Variants in DNAJC6 observed in about 807,000 individuals in gnomAD.
DNAJC6 encodes DnaJ heat shock protein family (Hsp40) member C6, also known as auxilin.
In DNAJC6, 34 loss-of-function variants were observed where a neutral mutation model predicts 110.0. The ratio of observed to expected loss-of-function variants is 0.31; its 90% confidence interval spans 0.24 to 0.41. The LOEUF (loss-of-function observed/expected upper bound fraction) is 0.41. Ranked by LOEUF, DNAJC6 falls within the 10% of genes least tolerant of loss-of-function variation. The pLI is 1.00. For synonymous variants in DNAJC6, 406 were observed against 437.2 expected, an observed-to-expected ratio of 0.93 and a Z score of 0.89; for missense variants, 1,031 against 1,207.8, an observed-to-expected ratio of 0.85 and a Z score of 2.17.
At chr1:65,318,111 G>A (rs908898222) in intron 1 of DNAJC6, among the ~76,000 whole-genome samples, 9 of 152,132 alleles carry the variant, frequency 5.9e-5, no homozygotes, top group African/African-American at 2.2e-4. Flanking sequence ...TCTGCAGGCA[G>A]TGGGAGGCCA....
intron 1 of DNAJC6, among the ~76,000 whole-genome samples, chr1:65,284,819 G>C (rs1416252659): frequency 6.6e-6 from 1 of 151,890 alleles, no homozygotes; most frequent in African/African-American, 2.4e-5. Context: ...CTCCCAAGTA[G>C]CTGGAATTAC....
intron 4 of DNAJC6, among the ~76,000 whole-genome samples, chr1:65,372,375 TCA>T (rs1454798104): frequency 6.6e-6 from 1 of 152,102 alleles, no homozygotes; most frequent in Non-Finnish European, 1.5e-5. Flanking sequence ...CTTTATTCTT[TCA>T]CTCATTCATT....
intron 1 of DNAJC6, among the ~76,000 whole-genome samples, chr1:65,348,094 C>T (rs1200205823): frequency 6.6e-6 from 1 of 152,160 alleles, no homozygotes; most frequent in Non-Finnish European, 1.5e-5. Context: ...GCAGTTAGAG[C>T]AATATTTGTT....
chr1:65,362,989 C>T (rs1645612437), intron 1 of DNAJC6, among the ~76,000 whole-genome samples: 1 of 152,174 alleles, frequency 6.6e-6, no homozygotes, highest in Non-Finnish European at 1.5e-5. Context: ...TTCACAGTTC[C>T]ACATGGCTGT....
rs9436712 is a variant in DNAJC6 at position 65,338,423 on chromosome 1, A to G, written c.194-26212A>G. 2.1e-3 allele frequency among the ~76,000 whole-genome samples: 320 copies of G among 152,268 alleles called. 1 individual carries two copies. The highest frequency in any genetic ancestry group is 7.4e-3 in the African/African-American group (309 of 41,558). ...CTTTAAGACAGTTACTTTGTATCTT[A>G]AAGTTACTTGAGGTAGTTTCTCTCT... On this transcript the variant is annotated intron_variant, in intron 1 of 18. Transcript: ENST00000371069.
chr1:65,375,085 TC>T (rs763711635), intron 4 of DNAJC6, among the ~76,000 whole-genome samples: 2 of 151,704 alleles, frequency 1.3e-5, no homozygotes, highest in African/African-American at 2.4e-5. Flanking sequence ...TGCCTCAGCC[TC>T]CCAAGTAGCT....
At chr1:65,373,062 A>G (rs1032519100) in intron 4 of DNAJC6, among the ~76,000 whole-genome samples, 10 of 152,120 alleles carry the variant, frequency 6.6e-5, no homozygotes, top group Non-Finnish European at 1.2e-4. Flanking sequence ...AACATGCAAT[A>G]TTTATCTTTC....
At chr1:65,338,664 GT>G in intron 1 of DNAJC6, among the ~76,000 whole-genome samples, 1 of 152,240 alleles carries the variant, frequency 6.6e-6, no homozygotes, top group African/African-American at 2.4e-5. Context: ...TCTCTTTCAA[GT>G]TTTGGGTTTA....
At chr1:65,411,509 T>C in intron 18 of DNAJC6, 83 bp downstream of exon 18, 2 of 1,297,486 alleles carry the variant, frequency 1.5e-6, no homozygotes, top group Non-Finnish European at 2.1e-6. Flanking sequence ...TTAAATGTGC[T>C]GGTTCATATG....
At chr1:65,285,638 T>C (rs922798680) in intron 1 of DNAJC6, among the ~76,000 whole-genome samples, 1 of 152,144 alleles carries the variant, frequency 6.6e-6, no homozygotes, top group African/African-American at 2.4e-5. Flanking sequence ...CGCACTATGA[T>C]TGTTTTTTCA....
intron 1 of DNAJC6, among the ~76,000 whole-genome samples, chr1:65,335,252 C>T (rs1214764417): frequency 6.6e-6 from 1 of 150,952 alleles, no homozygotes; most frequent in African/African-American, 2.4e-5. Flanking sequence ...GGACTACAGG[C>T]GCACACCACC....
At chr1:65,396,211 T>G (rs1228405888) in intron 13 of DNAJC6, among the ~76,000 whole-genome samples, 1 of 152,164 alleles carries the variant, frequency 6.6e-6, no homozygotes, top group Non-Finnish European at 1.5e-5. Context: ...TACCTCTGAG[T>G]CATGCTCACT....
intron 1 of DNAJC6, among the ~76,000 whole-genome samples, chr1:65,326,862 A>G (rs962700541): frequency 1.3e-5 from 2 of 152,220 alleles, no homozygotes; most frequent in Admixed American, 6.5e-5. Flanking sequence ...AAAGAATCCA[A>G]TTACACATAT....
At position 65,298,411 on chromosome 1, in the gene DNAJC6, G is replaced by A. The variant is rs117490258; in HGVS notation, c.-131+33479G>A. 1.7e-3 allele frequency among the ~76,000 whole-genome samples: 260 copies of A among 152,266 alleles called. 5 individuals are homozygous for A. In the East Asian group the frequency reaches 0.044, roughly 26 times the overall value. ...GGAAGGTATGCAGTTTCCTTTGACAGTCTCCTGAAGAGAAACTGGTTAGGA... is the reference window on the plus strand; with the variant it reads ...GGAAGGTATGCAGTTTCCTTTGACAATCTCCTGAAGAGAAACTGGTTAGGA... On this transcript the variant is annotated intron_variant, in intron 1 of 19. Coordinates refer to the DNAJC6 transcript ENST00000263441.
At chr1:65,336,134 C>A (rs1459790046) in intron 1 of DNAJC6, among the ~76,000 whole-genome samples, 1 of 152,138 alleles carries the variant, frequency 6.6e-6, no homozygotes, top group East Asian at 1.9e-4. Flanking sequence ...ACTCACAGTT[C>A]AGCATGGCTA....
chr1:65,377,204 G>A lies in DNAJC6; in HGVS notation c.544-2198G>A, dbSNP rs537536190. On this transcript the variant is annotated intron_variant, in intron 4 of 18. Transcript: ENST00000371069. ...CAGTAAATGTCAATAAGGCCTATTA[G>A]ATCTTGAACCTGGGTTTTAAAAGAT... Among the ~76,000 whole-genome samples, 11 of 152,342 alleles carry A rather than the reference G, an allele frequency of 7.2e-5. No individual in the cohort carries two copies. The South Asian group carries it at 2.1e-3, about 29-fold the overall frequency.
At chr1:65,295,064 A>G (rs78609266) in intron 1 of DNAJC6, among the ~76,000 whole-genome samples, 8,877 of 152,280 alleles carry the variant, frequency 0.058, 854 homozygotes, top group African/African-American at 0.2. Context: ...GGAAATCATA[A>G]TAACTTCAGT....
At chr1:65,271,405 C>G (rs943159211) in intron 1 of DNAJC6, among the ~76,000 whole-genome samples, 1 of 152,140 alleles carries the variant, frequency 6.6e-6, no homozygotes, top group African/African-American at 2.4e-5. Flanking sequence ...TTGCCCCTTT[C>G]CCTGCCCATG....
At chr1:65,293,347 T>C (rs1644898451) in intron 1 of DNAJC6, among the ~76,000 whole-genome samples, 1 of 152,158 alleles carries the variant, frequency 6.6e-6, no homozygotes, top group Admixed American at 6.5e-5. Context: ...TGGTGTTTCT[T>C]CTTTTCCTTA....
Sources: gnomAD v4.1 joint callset for allele counts (sites outside exome capture counted in the v4.1 genomes callset) on GRCh38, gnomAD v4.1.1 for gene constraint, MANE v1.5 for transcripts, NCBI Gene and HGNC (gene_info 2026-07-23, HGNC 2026-07-21) for gene names.